The following KCTD8 variants were observed in gnomAD, a reference collection of about 807,000 sequenced individuals.
KCTD8 encodes BTB/POZ domain-containing protein KCTD8.
A neutral mutation model predicts 31.5 loss-of-function variants in KCTD8; 27 were observed. The ratio of observed to expected loss-of-function variants is 0.86; its 90% CI spans 0.63 to 1.18. The LOEUF (loss-of-function observed/expected upper bound fraction) is 1.18. Among genes scored for constraint, KCTD8 ranks in the 50% most tolerant of loss-of-function variants. The pLI is 0.00. For missense variants in KCTD8, 658 were observed against 647.7 expected (o/e 1.02, Z -0.17); for synonymous variants, 290 against 280.0 (o/e 1.04, Z -0.36).
intron 1 of KCTD8, among the ~76,000 whole-genome samples, chr4:44,389,281 G>A (rs117654787): frequency 6.6e-6 from 1 of 151,692 alleles, no homozygotes; most frequent in South Asian, 2.1e-4. Context: ...CAGTATAATT[G>A]AGTTGTCTAT....
intron 1 of KCTD8, among the ~76,000 whole-genome samples, chr4:44,356,946 T>A (rs1304299610): frequency 2.0e-5 from 3 of 152,128 alleles, no homozygotes; most frequent in Non-Finnish European, 2.9e-5. Context: ...GCTTCCATAT[T>A]TAGAACAATA....
chr4:44,345,045 T>C lies in KCTD8; in HGVS notation c.961+102518A>G, dbSNP rs1043751660. ...CTGCCTTTCCTATGCCTTCTAGACA[T>C]ACTATAATTGAACTACTTTAGTATG... On this transcript the variant is annotated intron_variant, in intron 1 of 1. Coordinates refer to ENST00000360029, the MANE Select transcript of KCTD8 (RefSeq NM_198353.3). Among the ~76,000 whole-genome samples the C allele has an allele frequency of 2.0e-4, 31 of 152,286 alleles. 1 individual carries two copies. The highest frequency in any genetic ancestry group is 2.0e-3 in the Admixed American group (30 of 15,294).
intron 1 of KCTD8, among the ~76,000 whole-genome samples, chr4:44,180,803 A>G (rs78465038): frequency 0.031 from 4,777 of 152,236 alleles, 137 homozygotes; most frequent in Non-Finnish European, 0.044. Flanking sequence ...CTTTTATGTT[A>G]TAAGAGTCTG....
At chr4:44,363,364 G>A (rs1259398678) in intron 1 of KCTD8, among the ~76,000 whole-genome samples, 1 of 152,088 alleles carries the variant, frequency 6.6e-6, no homozygotes, top group African/African-American at 2.4e-5. Flanking sequence ...TGTAATACTG[G>A]GACTAGAGCT....
rs1722022630 is a variant in KCTD8 at position 44,448,601 on chromosome 4, G to C, written c.-78C>G. 8 of 1,344,990 alleles carry C rather than the reference G, an allele frequency of 5.9e-6. No individual in the cohort carries two copies. Among genetic ancestry groups the C allele is most frequent in the African/African-American group, 1.5e-5 (1 of 65,740 alleles). The allele number at this position is 1,344,990 out of a possible 1,614,324, so 83.3% of individuals were successfully genotyped here. A position where few individuals can be genotyped will look rare whatever the true frequency, so the allele number is the denominator to read the frequency against. On this transcript the variant is annotated 5_prime_UTR_variant, in exon 1 of 2. Coordinates refer to ENST00000360029, the MANE Select transcript of KCTD8 (RefSeq NM_198353.3). This position sits in a 1 kb window ranked among gnomAD's most constrained non-coding sequence, Gnocchi z 4.1. ...CGGAGCCCGCGCCCCAGCCCTCCGCGTGCTCCTGGCGCTCTGCGCCCTCGG... is the reference window on the plus strand; with the variant it reads ...CGGAGCCCGCGCCCCAGCCCTCCGCCTGCTCCTGGCGCTCTGCGCCCTCGG...
chr4:44,268,558 A>G lies in KCTD8; in HGVS notation c.962-93308T>C, dbSNP rs1716468419. On this transcript the variant is annotated intron_variant, in intron 1 of 1. Coordinates refer to ENST00000360029, the MANE Select transcript of KCTD8 (RefSeq NM_198353.3). ...GTTCTGGCCAGGGCAATTAGGCAGGAGAAGGAAATAAAGGGTATTCAATTA... is the reference window on the plus strand; with the variant it reads ...GTTCTGGCCAGGGCAATTAGGCAGGGGAAGGAAATAAAGGGTATTCAATTA... Among the ~76,000 whole-genome samples, 7 of 152,178 alleles carry G rather than the reference A, an allele frequency of 4.6e-5. No individual in the cohort carries two copies. In the South Asian group the frequency reaches 1.5e-3, roughly 32 times the overall value.
intron 1 of KCTD8, among the ~76,000 whole-genome samples, chr4:44,325,429 T>C (rs1394402551): frequency 6.6e-6 from 1 of 151,950 alleles, no homozygotes; most frequent in Non-Finnish European, 1.5e-5. Context: ...CCTATTTTAT[T>C]TAACAACTTG....
intron 1 of KCTD8, among the ~76,000 whole-genome samples, chr4:44,180,069 A>C (rs1436955671): frequency 6.6e-6 from 1 of 152,214 alleles, no homozygotes; most frequent in Non-Finnish European, 1.5e-5. Flanking sequence ...ATATATGGGA[A>C]CAACATGACT....
rs1335307993 is a variant in KCTD8 at position 44,318,968 on chromosome 4, T to C, written c.961+128595A>G. ...CTGGCACAGATAAAATAATTCACTT[T>C]AGGTAAGATGGCAGGAAGGAGAAAA... On this transcript the variant is annotated intron_variant, in intron 1 of 1. Transcript: ENST00000360029. 2.0e-5 allele frequency among the ~76,000 whole-genome samples: 3 copies of C among 152,212 alleles called. No homozygotes were observed. In the East Asian group the frequency reaches 5.8e-4, roughly 29 times the overall value.
In KCTD8 at chr4:44,447,874, T is replaced by C; in HGVS notation, c.650A>G (p.Tyr217Cys). Residue 217 changes from tyrosine (Y) to cysteine (C), a missense_variant, in exon 1 of 2, where the codon TAC becomes TGC. Tyr to Cys is a radical substitution (Grantham distance 194, BLOSUM62 -2). Transcript: ENST00000360029. ...GGCCTGGTTGTCGCGCACGGTGGTG[T>C]AGGAGCCCCGGTAGCCCAGCGTGAG... Reference protein sequence around the residue: ...GFLTLGYRGSYTTVRDNQADA... With the variant: ...GFLTLGYRGSCTTVRDNQADA... 1.3e-6 allele frequency: 2 copies of C among 1,557,780 alleles called. No individual in the cohort carries two copies. The highest frequency in any genetic ancestry group is 1.2e-5 in the South Asian group (1 of 84,972).
At chr4:44,367,193 T>C (rs78240323) in intron 1 of KCTD8, among the ~76,000 whole-genome samples, 12,768 of 152,200 alleles carry the variant, frequency 0.084, 564 homozygotes, top group South Asian at 0.11. Flanking sequence ...TCAGGCATAG[T>C]GTCCTCAGGA....
intron 1 of KCTD8, among the ~76,000 whole-genome samples, chr4:44,320,369 T>C (rs976609911): frequency 6.6e-6 from 1 of 152,018 alleles, no homozygotes. Context: ...AATTTGCAAC[T>C]AAGTTCTTTT....
At chr4:44,285,534 T>A (rs1320713006) in intron 1 of KCTD8, among the ~76,000 whole-genome samples, 1 of 152,074 alleles carries the variant, frequency 6.6e-6, no homozygotes, top group African/African-American at 2.4e-5. Context: ...GATGGGATGA[T>A]GGGTGCAGCA....
chr4:44,330,029 T>G (rs945622110), intron 1 of KCTD8, among the ~76,000 whole-genome samples: 11 of 151,888 alleles, frequency 7.2e-5, no homozygotes, highest in African/African-American at 2.2e-4. Context: ...CCACTGTATG[T>G]TCTATATAGA....
chr4:44,405,603 A>G (rs1339178532), intron 1 of KCTD8, among the ~76,000 whole-genome samples: 1 of 151,990 alleles, frequency 6.6e-6, no homozygotes. Context: ...AACTAGAGAA[A>G]GGCATACCCA....
intron 1 of KCTD8, among the ~76,000 whole-genome samples, chr4:44,383,656 TA>T (rs2109444540): frequency 6.6e-6 from 1 of 151,848 alleles, no homozygotes; most frequent in South Asian, 2.1e-4. Flanking sequence ...CTCACCACAT[TA>T]AAAAACCAAT....
intron 1 of KCTD8, among the ~76,000 whole-genome samples, chr4:44,319,453 C>T (rs1178856772): frequency 6.7e-6 from 1 of 150,248 alleles, no homozygotes; most frequent in Non-Finnish European, 1.5e-5. Flanking sequence ...GACTGAGTAC[C>T]CCTGTGGTAA....
At chr4:44,198,183 G>T (rs1714006349) in intron 1 of KCTD8, among the ~76,000 whole-genome samples, 2 of 152,128 alleles carry the variant, frequency 1.3e-5, no homozygotes, top group South Asian at 4.1e-4. Context: ...TAACTCACTG[G>T]CATCCCTGGG....
chr4:44,402,621 G>A (rs997633355), intron 1 of KCTD8, among the ~76,000 whole-genome samples: 10 of 152,036 alleles, frequency 6.6e-5, no homozygotes, highest in Admixed American at 4.6e-4. Flanking sequence ...TCCTGGGGGG[G>A]CCCTAGAAAT....
Sources: gnomAD v4.1 joint callset for allele counts (sites outside exome capture counted in the v4.1 genomes callset) on GRCh38, gnomAD v4.1.1 for gene constraint, Gnocchi (gnomAD v3.1) non-coding constraint, MANE v1.5 for transcripts, NCBI Gene and HGNC (gene_info 2026-07-23, HGNC 2026-07-21) for gene names.